The following RBFOX3 variants were observed in gnomAD, a reference collection of about 807,000 sequenced individuals.
RBFOX3 encodes RNA binding fox-1 homolog 3.
A neutral mutation model predicts 48.7 loss-of-function variants in RBFOX3; 17 were observed. The ratio of observed to expected loss-of-function variants is 0.35; its 90% CI spans 0.24 to 0.52. RBFOX3 has a LOEUF of 0.52. RBFOX3 is among the 20% of genes least tolerant of loss of function. The pLI, the probability that RBFOX3 is intolerant of heterozygous loss-of-function variation, is 0.94. For synonymous variants in RBFOX3, 212 were observed against 209.5 expected (o/e 1.01, Z -0.10); for missense variants, 382 against 497.5 (o/e 0.77, Z 2.21).
At chr17:79,272,797 G>A (rs56149338) in intron 3 of RBFOX3, among the ~76,000 whole-genome samples, 96,309 of 151,934 alleles carry the variant, frequency 0.63, 30,877 homozygotes, top group East Asian at 0.8. Flanking sequence ...GATGCAGGAA[G>A]CTGGGGCTTG....
the RBFOX3 span, among the ~76,000 whole-genome samples, chr17:79,652,736 G>GAGTTCCAGCATTTGATAAACAGA: frequency 4.0e-5 from 6 of 151,706 alleles, no homozygotes; most frequent in African/African-American, 1.5e-4. Flanking sequence ...ATGAAGCCAG[G>GAGTTCCAGCATTTGATAAACAGA]AGTTCCAGCA....
intron 2 of RBFOX3, among the ~76,000 whole-genome samples, chr17:79,332,387 G>C: frequency 1.3e-5 from 2 of 152,286 alleles, no homozygotes; most frequent in Middle Eastern, 6.8e-3. Flanking sequence ...ACTGCTCGGG[G>C]TGGGAGAGGG....
At chr17:79,244,843 TTTCA>T (rs1166559468) in intron 3 of RBFOX3, among the ~76,000 whole-genome samples, 2 of 149,540 alleles carry the variant, frequency 1.3e-5, no homozygotes, top group Admixed American at 6.7e-5. Context: ...TCCTTCCTTC[TTTCA>T]TTCTCCTTCC....
At chr17:79,613,684 T>A (rs2093983327), upstream of RBFOX3, among the ~76,000 whole-genome samples, 1 of 152,032 alleles carries the variant, frequency 6.6e-6, no homozygotes, top group African/African-American at 2.4e-5. Context: ...GAGAAAATTT[T>A]AAAAAGGGGC....
At chr17:79,280,917 T>C (rs2070313496) in intron 3 of RBFOX3, among the ~76,000 whole-genome samples, 1 of 151,856 alleles carries the variant, frequency 6.6e-6, no homozygotes, top group Admixed American at 6.6e-5. Context: ...ACTTAGAACA[T>C]TCTGGGAAGA....
At chr17:79,442,237 G>GGA (rs1568257885) in intron 2 of RBFOX3, among the ~76,000 whole-genome samples, 1,115 of 7,412 alleles carry the variant, frequency 0.15, 381 homozygotes, top group Non-Finnish European at 0.2. Flanking sequence ...GAGAGAGAGA[G>GGA]AGAGAGAGAG....
intron 3 of RBFOX3, among the ~76,000 whole-genome samples, chr17:79,290,871 G>T (rs2144858676): frequency 6.6e-6 from 1 of 152,266 alleles, no homozygotes; most frequent in South Asian, 2.1e-4. Flanking sequence ...TGACACCCTG[G>T]CTGCGTTCTC....
intron 11 of RBFOX3, 78 bp downstream of exon 11, chr17:79,097,214 C>G: frequency 7.8e-7 from 1 of 1,279,446 alleles, no homozygotes; most frequent in Non-Finnish European, 1.1e-6. Flanking sequence ...GCCCCTCGCA[C>G]TGCGCAGGGC....
intron 2 of RBFOX3, among the ~76,000 whole-genome samples, chr17:79,360,772 C>G (rs147684687): frequency 6.6e-6 from 1 of 151,534 alleles, no homozygotes; most frequent in African/African-American, 2.4e-5. Context: ...GCCATGGAAA[C>G]TCAGAAATGT....
At chr17:79,628,816 T>C in the RBFOX3 span, among the ~76,000 whole-genome samples, 1 of 152,092 alleles carries the variant, frequency 6.6e-6, no homozygotes, top group Admixed American at 6.5e-5. Flanking sequence ...AAAAGGCAAC[T>C]TTCTTCTATT....
intron 2 of RBFOX3, among the ~76,000 whole-genome samples, chr17:79,337,585 G>T (rs116599137): frequency 0.01 from 1,560 of 152,308 alleles, 17 homozygotes; most frequent in African/African-American, 0.036. Context: ...AGACCAGCCT[G>T]CCCAAGATGG....
At chr17:79,347,455 C>T (rs1250712611) in intron 2 of RBFOX3, among the ~76,000 whole-genome samples, 1 of 152,026 alleles carries the variant, frequency 6.6e-6, no homozygotes, top group Non-Finnish European at 1.5e-5. Flanking sequence ...TTATTTTTCT[C>T]TCTTTGTAGG....
At chr17:79,644,774 CAT>C in the RBFOX3 span, among the ~76,000 whole-genome samples, 1 of 152,142 alleles carries the variant, frequency 6.6e-6, no homozygotes, top group Non-Finnish European at 1.5e-5. Flanking sequence ...CAAATGAAGA[CAT>C]ATATCATGAT....
chr17:79,333,657 T>G (rs2080750455), intron 2 of RBFOX3, among the ~76,000 whole-genome samples: 2 of 152,176 alleles, frequency 1.3e-5, no homozygotes, highest in South Asian at 2.1e-4. Flanking sequence ...GAATGTCCCA[T>G]GACCCCAGAG....
chr17:79,151,921 TG>T (rs1568235518), intron 4 of RBFOX3, among the ~76,000 whole-genome samples: 1 of 84,956 alleles, frequency 1.2e-5, no homozygotes, highest in Non-Finnish European at 2.4e-5. Context: ...GAGGCGAGGA[TG>T]GGAGGGGACC....
chr17:79,139,882 G>A (rs113510814), intron 4 of RBFOX3, among the ~76,000 whole-genome samples: 10,213 of 152,312 alleles, frequency 0.067, 462 homozygotes, highest in South Asian at 0.2. Context: ...CCAGCCAGAC[G>A]ACGTGGGTGT....
At chr17:79,336,488 T>C (rs2081221284) in intron 2 of RBFOX3, among the ~76,000 whole-genome samples, 1 of 152,128 alleles carries the variant, frequency 6.6e-6, no homozygotes. Flanking sequence ...AAAGCTGAAG[T>C]CCCCTGTCCA....
chr17:79,327,594 A>T (rs1284303293), intron 2 of RBFOX3, among the ~76,000 whole-genome samples: 1 of 152,198 alleles, frequency 6.6e-6, no homozygotes, highest in Admixed American at 6.5e-5. Context: ...TTTATGTTTT[A>T]AAAAACTACA....
At chr17:79,533,661 G>T (rs2088219194) in intron 1 of RBFOX3, among the ~76,000 whole-genome samples, 2 of 152,260 alleles carry the variant, frequency 1.3e-5, no homozygotes, top group African/African-American at 4.8e-5. Context: ...CCCTTGGGAA[G>T]AGCCCAGGGG....
Sources: gnomAD v4.1 joint callset for allele counts (sites outside exome capture counted in the v4.1 genomes callset) on GRCh38, gnomAD v4.1.1 for gene constraint, MANE v1.5 for transcripts, NCBI Gene and HGNC (gene_info 2026-07-23, HGNC 2026-07-21) for gene names.